Variants in KPNB1 observed in about 807,000 individuals in gnomAD.
The protein encoded by KPNB1 is importin subunit beta-1.
A neutral mutation model predicts 113.0 loss-of-function variants in KPNB1; 7 were observed. The ratio of observed to expected loss-of-function variants is 0.06; its 90% CI spans 0.04 to 0.12. KPNB1 has a LOEUF of 0.12. Ranked by LOEUF, KPNB1 falls within the 10% of genes least tolerant of loss-of-function variation. KPNB1 has a pLI of 1.00. For missense variants in KPNB1, 400 were observed against 1,054.8 expected (o/e 0.38, Z 8.60); for synonymous variants, 363 against 378.6 (o/e 0.96, Z 0.48).
At chr17:47,668,521 T>G in intron 10 of KPNB1, 111 bp downstream of exon 10, 1 of 804,758 alleles carries the variant, frequency 1.2e-6, no homozygotes. Flanking sequence ...AAAGATTATC[T>G]CTAGATACTT....
At chr17:47,651,022 CTT>C (rs148918556) in intron 2 of KPNB1, among the ~76,000 whole-genome samples, 2,591 of 152,078 alleles carry the variant, frequency 0.017, 69 homozygotes, top group African/African-American at 0.058. Context: ...TTATTCCTCT[CTT>C]GGGGTTTTTT....
At chr17:47,673,607 T>G (rs922513806) in intron 14 of KPNB1, 46 bp downstream of exon 14, 1 of 1,386,422 alleles carries the variant, frequency 7.2e-7, no homozygotes, top group Non-Finnish European at 1.0e-6. Flanking sequence ...TGGAGAATTA[T>G]TAGTATCTCA....
intron 9 of KPNB1, among the ~76,000 whole-genome samples, chr17:47,666,158 G>A (rs1163975062): frequency 6.6e-6 from 1 of 151,694 alleles, no homozygotes; most frequent in Non-Finnish European, 1.5e-5. Context: ...GGTTCAAGCA[G>A]TGTCCCACTC....
chr17:47,650,138 CACCCTCCCTT>C lies in KPNB1; in HGVS notation c.-106_-97del. 1 of 756,314 alleles carries C rather than the reference CACCCTCCCTT, an allele frequency of 1.3e-6. No homozygotes were observed. The highest frequency in any genetic ancestry group is 1.7e-6 in the Non-Finnish European group (1 of 590,510). The allele number at this position is 756,314 out of a possible 1,614,324, so 46.9% of individuals were successfully genotyped here. A position where few individuals can be genotyped will look rare whatever the true frequency, so the allele number is the denominator to read the frequency against. ...TTGTGGTGACCCCCGCCCCCCACCCCACCCTCCCTTCCCACCCGACCCCCAACCCCCATCC... is the reference window on the plus strand; with the variant it reads ...TTGTGGTGACCCCCGCCCCCCACCCCCCCACCCGACCCCCAACCCCCATCC... On this transcript the variant is annotated 5_prime_UTR_variant, in exon 1 of 22. Coordinates refer to ENST00000290158, the MANE Select transcript of KPNB1 (RefSeq NM_002265.6).
chr17:47,654,783 A>C (rs1915674251), intron 3 of KPNB1, among the ~76,000 whole-genome samples: 1 of 152,228 alleles, frequency 6.6e-6, no homozygotes. Context: ...CCACATATGT[A>C]CTAGGAGACT....
intron 5 of KPNB1, among the ~76,000 whole-genome samples, chr17:47,659,566 A>G (rs1158824982): frequency 6.6e-6 from 1 of 152,186 alleles, no homozygotes; most frequent in African/African-American, 2.4e-5. Flanking sequence ...TAGCCTGTGC[A>G]ACGTAACAAA....
At chr17:47,650,721 G>C (rs911953198) in intron 2 of KPNB1, among the ~76,000 whole-genome samples, 6 of 152,226 alleles carry the variant, frequency 3.9e-5, no homozygotes, top group African/African-American at 1.4e-4. Context: ...GGTGCAGCGG[G>C]AGGGAGAAAG....
chr17:47,675,356 GTGT>G (rs1428285880), intron 15 of KPNB1, among the ~76,000 whole-genome samples: 59 of 109,506 alleles, frequency 5.4e-4, no homozygotes, highest in African/African-American at 1.9e-3. Context: ...ATTGGCAGAG[GTGT>G]TGTTTTTTTT....
intron 2 of KPNB1, 81 bp downstream of exon 2, chr17:47,650,525 G>A (rs1218305595): frequency 7.6e-7 from 1 of 1,316,562 alleles, no homozygotes; most frequent in African/African-American, 1.5e-5. Context: ...CGGAGGCCCA[G>A]GCCTCGGGAA....
intron 5 of KPNB1, among the ~76,000 whole-genome samples, chr17:47,660,912 C>G (rs2030072742): frequency 6.6e-6 from 1 of 152,154 alleles, no homozygotes; most frequent in Non-Finnish European, 1.5e-5. Flanking sequence ...CATTGGAGGG[C>G]AAGTCACATA....
At chr17:47,650,308 G>C in intron 1 of KPNB1, 24 bp downstream of exon 1, 1 of 1,610,928 alleles carries the variant, frequency 6.2e-7, no homozygotes, top group Non-Finnish European at 8.5e-7. Flanking sequence ...GCCGGGGGTA[G>C]GGCTGAGGTG....
At chr17:47,681,690 T>TTG (rs1555619817) in intron 21 of KPNB1, among the ~76,000 whole-genome samples, 11 of 117,056 alleles carry the variant, frequency 9.4e-5, no homozygotes, top group Non-Finnish European at 2.2e-4. Context: ...TTATAGGTTT[T>TTG]TTTTTTTTTT....
In KPNB1 at chr17:47,650,599, AC is replaced by A. The variant is rs1397473816; in HGVS notation, c.99+159del. Among the ~76,000 whole-genome samples the A allele has an allele frequency of 2.7e-4, 34 of 127,994 alleles. 1 individual carries two copies. The highest frequency in any genetic ancestry group is 3.6e-5 in the Non-Finnish European group (2 of 55,370). The allele number at this position is 127,994 out of a possible 152,430, so 84.0% of individuals were successfully genotyped here. A position where few individuals can be genotyped will look rare whatever the true frequency, so the allele number is the denominator to read the frequency against. The stretch of plus-strand genomic sequence containing the variant: ...TCCCCCCCCAACCCGGTCCAACCTA[AC>A]CCCGCCATCGGGAAGCCGGTGGGTG... On this transcript the variant is annotated intron_variant, in intron 2 of 21. Transcript: ENST00000290158.
At chr17:47,679,429 T>G (rs1401148328) in intron 19 of KPNB1, among the ~76,000 whole-genome samples, 2 of 152,108 alleles carry the variant, frequency 1.3e-5, no homozygotes, top group African/African-American at 4.8e-5. Flanking sequence ...ATTGGGGAAA[T>G]TTTTTACTTC....
intron 21 of KPNB1, among the ~76,000 whole-genome samples, chr17:47,681,363 G>C (rs575569955): frequency 6.6e-6 from 1 of 151,240 alleles, no homozygotes; most frequent in African/African-American, 2.4e-5. Context: ...CTGCCTCCCG[G>C]GTTCAAGCAG....
chr17:47,652,436 A>G (rs968454769), intron 2 of KPNB1, among the ~76,000 whole-genome samples: 1 of 152,176 alleles, frequency 6.6e-6, no homozygotes, highest in Non-Finnish European at 1.5e-5. Flanking sequence ...AATGATCTTG[A>G]TAGGGAAATC....
chr17:47,667,582 G>C (rs1157653642), intron 9 of KPNB1, among the ~76,000 whole-genome samples: 1 of 148,302 alleles, frequency 6.7e-6, no homozygotes, highest in African/African-American at 2.5e-5. Flanking sequence ...TTTTCTGACA[G>C]AGTCTCACTC....
Position 47,676,461 on chromosome 17 carries a change from C to T in KPNB1, c.1965C>T (p.Gly655=). ...TGGAGGCCTTTAAACCCTTCCTGGG[C>T]ATTGGATTAAAAAATTATGCTGAAT... ...KYMEAFKPFL[G]IGLKNYAEYQ... is the part of the protein sequence containing the mutation. Residue 655 remains glycine (G), a synonymous_variant, in exon 16 of 22, where the codon GGC becomes GGT. Transcript: ENST00000290158. The T allele has an allele frequency of 1.2e-6, 2 of 1,613,270 alleles. No individual in the cohort carries two copies. Among genetic ancestry groups the T allele is most frequent in the Non-Finnish European group, 1.7e-6 (2 of 1,179,290 alleles).
At chr17:47,669,943 G>A in intron 11 of KPNB1, 74 bp downstream of exon 11, 1 of 1,075,260 alleles carries the variant, frequency 9.3e-7, no homozygotes, top group Non-Finnish European at 1.4e-6. Context: ...GTGTGGGAGA[G>A]AAATCAATCT....
Sources: gnomAD v4.1 joint callset for allele counts (sites outside exome capture counted in the v4.1 genomes callset) on GRCh38, gnomAD v4.1.1 for gene constraint, MANE v1.5 for transcripts, NCBI Gene and HGNC (gene_info 2026-07-23, HGNC 2026-07-21) for gene names.